HAT1: variants seen among roughly 807,000 people sequenced by gnomAD.
HAT1 encodes the protein histone acetyltransferase 1, also known as histone acetyltransferase type B catalytic subunit.
HAT1 carries 20 observed loss-of-function variants against 56.6 expected under a neutral mutation model. The ratio of observed to expected loss-of-function variants is 0.35; its 90% CI spans 0.25 to 0.51. The LOEUF is 0.51. Among genes scored for constraint, HAT1 ranks in the 20% least tolerant of loss-of-function variants. The pLI, the probability that HAT1 is intolerant of heterozygous loss-of-function variation, is 0.95. For synonymous variants in HAT1, 146 were observed against 165.5 expected (o/e 0.88, Z 0.91); for missense variants, 408 against 504.3 (o/e 0.81, Z 1.83).
At chr2:171,929,288 T>C (rs1047471726) in intron 2 of HAT1, among the ~76,000 whole-genome samples, 1 of 152,196 alleles carries the variant, frequency 6.6e-6, no homozygotes, top group Non-Finnish European at 1.5e-5. Context: ...TATTCACATC[T>C]TTTGCCCATT....
chr2:171,951,381 G>T (rs1327745057), intron 3 of HAT1, among the ~76,000 whole-genome samples: 1 of 152,186 alleles, frequency 6.6e-6, no homozygotes, highest in Admixed American at 6.5e-5. Context: ...AAAAATCTGT[G>T]TAATATCTTA....
rs983001174 is a variant in HAT1, at chr2:171,952,795, T to G, written c.189-86T>G. On this transcript the variant is annotated intron_variant, in intron 3 of 10. Transcript: ENST00000264108. ...TAGTTTAAAATCTTGAAACTACCCA[T>G]GAAGTTAAACTTGTTTATATGTAGG... 4.2e-5 allele frequency: 30 copies of G among 721,690 alleles called. No homozygotes were observed. In the African/African-American group the frequency reaches 4.2e-4, roughly 10 times the overall value. The allele number at this position is 721,690 out of a possible 1,614,324, so 44.7% of individuals were successfully genotyped here.
intron 9 of HAT1, 61 bp from the exon 10 acceptor site, chr2:171,979,186 T>C (rs1200710224): frequency 2.6e-6 from 2 of 782,556 alleles, no homozygotes; most frequent in Non-Finnish European, 4.3e-6. Flanking sequence ...CTGTGTTCTT[T>C]TGGGAAAGTG....
chr2:171,935,912 G>C (rs1353711619), intron 2 of HAT1, among the ~76,000 whole-genome samples: 2 of 151,880 alleles, frequency 1.3e-5, no homozygotes, highest in Admixed American at 6.6e-5. Flanking sequence ...AAAGAATTGG[G>C]GGTATAGGGA....
chr2:171,941,106 C>G (rs1052456334), intron 2 of HAT1, among the ~76,000 whole-genome samples: 1 of 152,156 alleles, frequency 6.6e-6, no homozygotes, highest in Non-Finnish European at 1.5e-5. Context: ...TGTAGCTGTA[C>G]AATGGAACTA....
chr2:171,975,102 CTT>C (rs56657515), intron 8 of HAT1, among the ~76,000 whole-genome samples: 71 of 130,784 alleles, frequency 5.4e-4, no homozygotes, highest in Non-Finnish European at 6.2e-4. Flanking sequence ...TATTTTCTTT[CTT>C]TTTTTTTTTT....
chr2:171,950,205 G>A (rs1687271052), intron 3 of HAT1, among the ~76,000 whole-genome samples: 1 of 152,122 alleles, frequency 6.6e-6, no homozygotes, highest in Non-Finnish European at 1.5e-5. Flanking sequence ...GTCTTGCTCT[G>A]TTGCCCAGGC....
Position 171,950,029 on chromosome 2 carries a change from G to T in HAT1, c.189-2852G>T, listed in dbSNP as rs142089398. ...TTCTGGAGTCAGTCAGTCTCCCATG[G>T]AACCCCTGGTTTGTTGTAGTAGGAA... On this transcript the variant is annotated intron_variant, in intron 3 of 10. Coordinates refer to ENST00000264108, the MANE Select transcript of HAT1 (RefSeq NM_003642.4). Among the ~76,000 whole-genome samples, 6 of 152,324 alleles carry T rather than the reference G, an allele frequency of 3.9e-5. No homozygotes were observed. The East Asian group carries it at 7.7e-4, about 20-fold the overall frequency.
intron 2 of HAT1, among the ~76,000 whole-genome samples, chr2:171,940,461 C>T (rs775266971): frequency 6.6e-6 from 1 of 152,154 alleles, no homozygotes; most frequent in Non-Finnish European, 1.5e-5. Flanking sequence ...GAATTCGAGC[C>T]TCTCCTAAAA....
At chr2:171,924,655 A>G (rs1686534842) in intron 1 of HAT1, 1 of 152,338 alleles carries the variant, frequency 6.6e-6, no homozygotes, top group African/African-American at 2.4e-5. Flanking sequence ...CTTTAGGCAT[A>G]CATGATTTTT....
intron 10 of HAT1, among the ~76,000 whole-genome samples, chr2:171,982,379 T>C (rs1370611218): frequency 6.6e-6 from 1 of 152,196 alleles, no homozygotes; most frequent in Non-Finnish European, 1.5e-5. Flanking sequence ...TTCTTCATTC[T>C]TCCTTCCTCA....
chr2:171,969,165 T>C (rs1687753557), intron 8 of HAT1, among the ~76,000 whole-genome samples: 1 of 152,234 alleles, frequency 6.6e-6, no homozygotes, highest in Non-Finnish European at 1.5e-5. Flanking sequence ...GAATCAATGA[T>C]CTTGTTTCCT....
Position 171,952,979 on chromosome 2 carries a change from A to G in HAT1, c.287A>G (p.Asp96Gly), listed in dbSNP as rs1042249013. 3.8e-6 allele frequency: 6 copies of G among 1,589,588 alleles called. No individual in the cohort carries two copies. The highest frequency in any genetic ancestry group is 2.7e-5 in the African/African-American group (2 of 74,354). Reference sequence around the variant, plus strand: ...CGTGTTGAATATGCATCTAAAGTTGATGAGAACTTTGACTGTGTAGAGGTA... The same window carrying G: ...CGTGTTGAATATGCATCTAAAGTTGGTGAGAACTTTGACTGTGTAGAGGTA... ...MFRVEYASKV[D>G]ENFDCVEADD... Residue 96 changes from aspartate to glycine, a missense_variant, in exon 4 of 11, where the codon GAT (aspartate) becomes GGT (glycine). Transcript: ENST00000264108.
chr2:171,935,449 A>G (rs1208864251), intron 2 of HAT1, among the ~76,000 whole-genome samples: 1 of 141,526 alleles, frequency 7.1e-6, no homozygotes, highest in Non-Finnish European at 1.5e-5. Context: ...TTGGAGGCCA[A>G]GGTTGCTGTG....
At chr2:171,953,872 G>A (rs1440916381) in intron 4 of HAT1, among the ~76,000 whole-genome samples, 2 of 151,870 alleles carry the variant, frequency 1.3e-5, no homozygotes, top group East Asian at 2.0e-4. Context: ...GTACACACCT[G>A]TAATCCCAGC....
At chr2:171,969,293 G>A (rs1687756614) in intron 8 of HAT1, among the ~76,000 whole-genome samples, 1 of 152,096 alleles carries the variant, frequency 6.6e-6, no homozygotes, top group Admixed American at 6.5e-5. Flanking sequence ...TCCTTTAAAT[G>A]TACTTTATTG....
At chr2:171,965,209 T>C (rs527810500) in intron 4 of HAT1, 129 bp from the exon 5 acceptor site, 39 of 602,172 alleles carry the variant, frequency 6.5e-5, no homozygotes, top group Middle Eastern at 8.7e-4. Flanking sequence ...CAATTCGCTG[T>C]GTGTTTACTT....
rs1339802833 is a variant in HAT1, at chr2:171,978,593, T to C, written c.976-654T>C. The stretch of plus-strand genomic sequence containing the variant: ...CACATCCTTCTCTCAGTTTTTCCTC[T>C]CATATGTTTCTAGAGTCCTTGACCC... On this transcript the variant is annotated intron_variant, in intron 9 of 10. Transcript: ENST00000264108. Among the ~76,000 whole-genome samples, 4 of 152,098 alleles carry C rather than the reference T, an allele frequency of 2.6e-5. No individual in the cohort carries two copies. In the East Asian group the frequency reaches 7.7e-4, roughly 29 times the overall value.
intron 9 of HAT1, among the ~76,000 whole-genome samples, chr2:171,977,553 ATATATTT>A (rs1168008144): frequency 4.6e-4 from 5 of 10,952 alleles, no homozygotes; most frequent in East Asian, 7.4e-3. Context: ...ATATATATAT[ATATATTT>A]TTTTTTTTTT....
Sources: gnomAD v4.1 joint callset for allele counts (sites outside exome capture counted in the v4.1 genomes callset) on GRCh38, gnomAD v4.1.1 for gene constraint, MANE v1.5 for transcripts, NCBI Gene and HGNC (gene_info 2026-07-23, HGNC 2026-07-21) for gene names.